ACOT7: variants seen among roughly 807,000 people sequenced by gnomAD.
ACOT7 encodes cytosolic acyl coenzyme A thioester hydrolase.
Under a neutral mutation model 40.2 loss-of-function variants are expected in ACOT7, and 12 were observed. The ratio of observed to expected loss-of-function variants is 0.30; its 90% CI spans 0.19 to 0.48. ACOT7 has a LOEUF of 0.48. ACOT7 is among the 20% of genes least tolerant of loss of function. The probability of loss-of-function intolerance (pLI) is 0.99; values close to 1 mark genes in which losing one functional copy is unlikely to be tolerated. For missense variants in ACOT7, 395 were observed against 530.8 expected (o/e 0.74, Z 2.51); for synonymous variants, 228 against 219.5 (o/e 1.04, Z -0.34).
chr1:6,268,571 C>T (rs183470053), intron 8 of ACOT7, among the ~76,000 whole-genome samples: 7 of 152,150 alleles, frequency 4.6e-5, no homozygotes, highest in African/African-American at 1.2e-4. Context: ...TGCACAGGCG[C>T]GATTTTCCCC....
Position 6,274,134 on chromosome 1 carries a change from C to T in ACOT7, c.1014+6968G>A, listed in dbSNP as rs1213947586. 6.6e-6 allele frequency among the ~76,000 whole-genome samples: 1 copy of T among 152,200 alleles called. No homozygotes were observed. The highest frequency in any genetic ancestry group is 1.5e-5 in the Non-Finnish European group (1 of 68,026). On this transcript the variant is annotated intron_variant, in intron 8 of 8. Coordinates refer to ENST00000361521, the MANE Select transcript of ACOT7 (RefSeq NM_007274.4). The surrounding 1 kb of genome is among the most constrained non-coding windows in gnomAD (Gnocchi z 5.9). ...TCAGGCAGGTCCTGGGGGTGGGGAGCAGCAGGCACCATCATGGAAAGCTTG... is the reference window on the plus strand; with the variant it reads ...TCAGGCAGGTCCTGGGGGTGGGGAGTAGCAGGCACCATCATGGAAAGCTTG...
rs2148457912 is a variant in ACOT7, at chr1:6,352,227, C to T, written c.144-2361G>A. 6.5e-6 allele frequency: 1 copy of T among 152,842 alleles called. No homozygotes were observed. The highest frequency in any genetic ancestry group is 2.1e-4 in the South Asian group (1 of 4,844). 9.5% of individuals were successfully genotyped at this position (152,842 alleles called of 1,614,324 possible). On this transcript the variant is annotated intron_variant, in intron 1 of 8. Transcript: ENST00000361521. This position sits in a 1 kb window ranked among gnomAD's most constrained non-coding sequence, Gnocchi z 4.5. Reference sequence around the variant, plus strand: ...GGCTCAAAGCCCAACTCACTTACCCCTTCTCCCTTTCCCCAAATCAGACAC... The same window carrying T: ...GGCTCAAAGCCCAACTCACTTACCCTTTCTCCCTTTCCCCAAATCAGACAC...
rs574866936 is a variant in ACOT7 at position 6,306,598 on chromosome 1, C to T, written c.713-11618G>A. 5 of 985,364 alleles carry T rather than the reference C, an allele frequency of 5.1e-6. No individual in the cohort carries two copies. Among genetic ancestry groups the T allele is most frequent in the Non-Finnish European group, 4.8e-6 (4 of 829,912 alleles). The allele number at this position is 985,364 out of a possible 1,614,324, so 61.0% of individuals were successfully genotyped here. ...TTTCAAACACCAAGATCCTAGAAGGCGAGTACTAGAAGGAATTTAACTGCA... is the reference window on the plus strand; with the variant it reads ...TTTCAAACACCAAGATCCTAGAAGGTGAGTACTAGAAGGAATTTAACTGCA... On this transcript the variant is annotated intron_variant, in intron 6 of 8. Coordinates refer to ENST00000361521, the MANE Select transcript of ACOT7 (RefSeq NM_007274.4). The surrounding 1 kb of genome is among the most constrained non-coding windows in gnomAD (Gnocchi z 4.3).
rs1194270771 is a variant in ACOT7 at position 6,375,380 on chromosome 1, A to C, written c.143+17877T>G. Among the ~76,000 whole-genome samples the C allele has an allele frequency of 2.0e-5, 3 of 147,434 alleles. No individual in the cohort carries two copies. In the South Asian group the frequency reaches 6.6e-4, roughly 33 times the overall value. Reference sequence around the variant, plus strand: ...TACAAAGAAATCTTAAAACTCAACAATAAGAGGCCAGGCGCGGTGACTCAT... The same window carrying C: ...TACAAAGAAATCTTAAAACTCAACACTAAGAGGCCAGGCGCGGTGACTCAT... On this transcript the variant is annotated intron_variant, in intron 1 of 8. Transcript: ENST00000361521.
intron 2 of ACOT7, among the ~76,000 whole-genome samples, chr1:6,344,275 A>C (rs1485363290): frequency 6.6e-6 from 1 of 151,820 alleles, no homozygotes; most frequent in Non-Finnish European, 1.5e-5. Flanking sequence ...GTTCACTCAA[A>C]GAGTGACTTG....
In ACOT7 at chr1:6,358,814, G is replaced by T; in HGVS notation, c.144-8948C>A. On this transcript the variant is annotated intron_variant, in intron 1 of 8. Transcript: ENST00000361521. The surrounding 1 kb of genome is among the most constrained non-coding windows in gnomAD (Gnocchi z 4.1). ...CCCTGCACGGCCTAGACATGCCCAT[G>T]ACTGGCAGTACCTGCTCAGCTGGAA... 1 of 1,613,196 alleles carries T rather than the reference G, an allele frequency of 6.2e-7. No individual in the cohort carries two copies. Among genetic ancestry groups the T allele is most frequent in the South Asian group, 1.1e-5 (1 of 91,012 alleles).
At position 6,385,384 on chromosome 1, in the gene ACOT7, C is replaced by A. The variant is rs1642417658; in HGVS notation, c.143+7873G>T. ...ACACACAGCTCATCCAACACCCGAC[C>A]CTACTACCCTCCCCAAAACTCCTCC... On this transcript the variant is annotated intron_variant, in intron 1 of 8. Coordinates refer to ENST00000361521, the MANE Select transcript of ACOT7 (RefSeq NM_007274.4). 3 of 1,343,800 alleles carry A rather than the reference C, an allele frequency of 2.2e-6. No homozygotes were observed. The Admixed American group carries it at 6.5e-5, about 29-fold the overall frequency. The allele number at this position is 1,343,800 out of a possible 1,614,324, so 83.2% of individuals were successfully genotyped here.
chr1:6,266,738 C>T (rs531093913), intron 8 of ACOT7, among the ~76,000 whole-genome samples: 9 of 152,374 alleles, frequency 5.9e-5, no homozygotes, highest in South Asian at 2.1e-4. Flanking sequence ...CTGCCTGCAG[C>T]GGCAAGGCCG....
At chr1:6,391,106 G>A (rs1642525607) in intron 1 of ACOT7, among the ~76,000 whole-genome samples, 1 of 152,118 alleles carries the variant, frequency 6.6e-6, no homozygotes, top group Non-Finnish European at 1.5e-5. Flanking sequence ...GACCAGCCTG[G>A]CCAACATGAT....
intron 2 of ACOT7, among the ~76,000 whole-genome samples, chr1:6,340,402 A>T (rs1045706113): frequency 1.3e-5 from 2 of 152,160 alleles, no homozygotes; most frequent in Admixed American, 1.3e-4. Context: ...TGATTTTCTC[A>T]CAATAGGCAT....
At chr1:6,389,469 T>C (rs192134478) in intron 1 of ACOT7, among the ~76,000 whole-genome samples, 7 of 152,096 alleles carry the variant, frequency 4.6e-5, no homozygotes, top group Admixed American at 3.9e-4. Context: ...TACTAGTAAA[T>C]TGATGTTTAA....
intron 7 of ACOT7, among the ~76,000 whole-genome samples, chr1:6,290,456 C>T (rs1397692599): frequency 3.9e-5 from 6 of 152,296 alleles, no homozygotes; most frequent in East Asian, 1.9e-4. Context: ...ATGAGGGGCA[C>T]GGGCTGTGAC....
Position 6,278,861 on chromosome 1 carries a change from C to T in ACOT7, c.1014+2241G>A, listed in dbSNP as rs1454044748. The stretch of plus-strand genomic sequence containing the variant: ...GGTCAGCTGTGCTACAGACAGGGAG[C>T]GGACAGCAGACAGGGCGTGTCCTTG... On this transcript the variant is annotated intron_variant, in intron 8 of 8. Transcript: ENST00000361521. This position sits in a 1 kb window ranked among gnomAD's most constrained non-coding sequence, Gnocchi z 4.1. Among the ~76,000 whole-genome samples, 50 of 152,108 alleles carry T rather than the reference C, an allele frequency of 3.3e-4. No individual in the cohort carries two copies. The highest frequency in any genetic ancestry group is 3.1e-3 in the Admixed American group (47 of 15,282).
intron 5 of ACOT7, among the ~76,000 whole-genome samples, chr1:6,323,809 A>T (rs2148427200): frequency 6.9e-6 from 1 of 144,680 alleles, no homozygotes; most frequent in South Asian, 2.2e-4. Flanking sequence ...AAGGACTTTT[A>T]AGGAACTCTC....
At chr1:6,293,266 C>T (rs138138063) in intron 7 of ACOT7, among the ~76,000 whole-genome samples, 68 of 152,272 alleles carry the variant, frequency 4.5e-4, no homozygotes, top group Admixed American at 1.9e-3. Flanking sequence ...ATGGAATGCA[C>T]GTTTCCCACT....
intron 5 of ACOT7, among the ~76,000 whole-genome samples, chr1:6,318,833 A>G (rs1640564672): frequency 6.6e-6 from 1 of 152,194 alleles, no homozygotes; most frequent in South Asian, 2.1e-4. Flanking sequence ...AGTGCCCTGC[A>G]AGGCCCTGCC....
At chr1:6,387,941 T>TTTTTC (rs1553163272) in intron 1 of ACOT7, among the ~76,000 whole-genome samples, 7 of 151,214 alleles carry the variant, frequency 4.6e-5, no homozygotes, top group Admixed American at 4.6e-4. Context: ...TTTGTTTTTT[T>TTTTTC]TTTTTTCTTT....
chr1:6,302,655 C>G (rs1049329844), intron 6 of ACOT7, among the ~76,000 whole-genome samples: 2 of 152,062 alleles, frequency 1.3e-5, no homozygotes, highest in African/African-American at 4.8e-5. Context: ...GGAAAGTGAT[C>G]TCATAAAAAC....
chr1:6,391,099 C>T (rs1464889217), intron 1 of ACOT7, among the ~76,000 whole-genome samples: 3 of 152,072 alleles, frequency 2.0e-5, no homozygotes, highest in Non-Finnish European at 4.4e-5. Context: ...AGTTCAAGAC[C>T]AGCCTGGCCA....
Sources: gnomAD v4.1 joint callset for allele counts (sites outside exome capture counted in the v4.1 genomes callset) on GRCh38, gnomAD v4.1.1 for gene constraint, Gnocchi (gnomAD v3.1) non-coding constraint, MANE v1.5 for transcripts, NCBI Gene and HGNC (gene_info 2026-07-23, HGNC 2026-07-21) for gene names.